The following SLC9A9 variants were observed in gnomAD, a reference collection of about 807,000 sequenced individuals.
The protein encoded by SLC9A9 is sodium/hydrogen exchanger 9.
SLC9A9 carries 62 observed loss-of-function variants against 77.8 expected under a neutral mutation model. The observed-to-expected ratio is 0.80, with a 90% CI of 0.65 to 0.98. The LOEUF is 0.98. SLC9A9 is among the 50% of genes least tolerant of loss of function. The pLI is 0.00. For synonymous variants in SLC9A9, 320 were observed against 283.5 expected (o/e 1.13, Z -1.29); for missense variants, 775 against 774.9 (o/e 1.00, Z 0.00).
intron 5 of SLC9A9, among the ~76,000 whole-genome samples, chr3:143,665,942 A>C (rs1280884936): frequency 6.6e-6 from 1 of 152,228 alleles, no homozygotes; most frequent in African/African-American, 2.4e-5. Context: ...AACTATTGCA[A>C]TCAATAGAAA....
chr3:143,444,932 C>A (rs1053981641), intron 12 of SLC9A9, among the ~76,000 whole-genome samples: 1 of 152,188 alleles, frequency 6.6e-6, no homozygotes, highest in Non-Finnish European at 1.5e-5. Context: ...TACCCCTGGG[C>A]CCTCTGATGG....
chr3:143,605,806 AC>A (rs137997965), intron 6 of SLC9A9, among the ~76,000 whole-genome samples: 302 of 152,340 alleles, frequency 2.0e-3, no homozygotes, highest in African/African-American at 7.0e-3. Flanking sequence ...AAGTTATGCA[AC>A]CTCAGAAAGC....
chr3:143,379,614 T>G (rs2033256800), intron 13 of SLC9A9, among the ~76,000 whole-genome samples: 2 of 152,214 alleles, frequency 1.3e-5, no homozygotes. Flanking sequence ...TACTTAACAT[T>G]TAGATAGTGC....
intron 12 of SLC9A9, among the ~76,000 whole-genome samples, chr3:143,463,455 GTCGA>G (rs1385254355): frequency 6.6e-6 from 1 of 152,152 alleles, no homozygotes; most frequent in Non-Finnish European, 1.5e-5. Context: ...CAACCATTTG[GTCGA>G]TAATCTTGTT....
chr3:143,757,478 TC>T (rs1389426273), intron 4 of SLC9A9, among the ~76,000 whole-genome samples: 1 of 152,170 alleles, frequency 6.6e-6, no homozygotes, highest in Non-Finnish European at 1.5e-5. Context: ...TCTATTTCAC[TC>T]CACTAAATTT....
intron 5 of SLC9A9, among the ~76,000 whole-genome samples, chr3:143,659,178 G>C (rs2038942064): frequency 6.6e-6 from 1 of 151,870 alleles, no homozygotes; most frequent in African/African-American, 2.4e-5. Context: ...GGTGGGCAAG[G>C]GTTTATCTAC....
intron 4 of SLC9A9, among the ~76,000 whole-genome samples, chr3:143,777,530 A>T (rs1441608681): frequency 6.6e-6 from 1 of 152,178 alleles, no homozygotes; most frequent in Non-Finnish European, 1.5e-5. Flanking sequence ...AGTGAACTTC[A>T]AACTTTTTAA....
At chr3:143,813,121 CT>C (rs977285546) in intron 2 of SLC9A9, among the ~76,000 whole-genome samples, 3 of 152,006 alleles carry the variant, frequency 2.0e-5, no homozygotes, top group African/African-American at 4.8e-5. Context: ...GGTTTCATAT[CT>C]GTAAATACAG....
chr3:143,527,928 A>G (rs2036432102), intron 9 of SLC9A9, among the ~76,000 whole-genome samples: 2 of 152,212 alleles, frequency 1.3e-5, no homozygotes, highest in South Asian at 2.1e-4. Flanking sequence ...GGTGAGAGGC[A>G]TTGTCACCAG....
chr3:143,558,247 T>G (rs2037022267), intron 8 of SLC9A9, among the ~76,000 whole-genome samples: 1 of 152,242 alleles, frequency 6.6e-6, no homozygotes, highest in African/African-American at 2.4e-5. Context: ...AGTGGAGCCC[T>G]CATGGAGAAC....
At chr3:143,570,800 A>G (rs1271294584) in intron 8 of SLC9A9, among the ~76,000 whole-genome samples, 1 of 151,986 alleles carries the variant, frequency 6.6e-6, no homozygotes, top group Non-Finnish European at 1.5e-5. Flanking sequence ...GTGTATAATT[A>G]TATATATATA....
chr3:143,653,773 C>A (rs528955443), intron 5 of SLC9A9, among the ~76,000 whole-genome samples: 2 of 152,062 alleles, frequency 1.3e-5, no homozygotes, highest in Non-Finnish European at 2.9e-5. Flanking sequence ...GGAAGAGGCC[C>A]GGATTCATGC....
chr3:143,316,937 A>T (rs1335630235), intron 14 of SLC9A9, among the ~76,000 whole-genome samples: 2 of 152,090 alleles, frequency 1.3e-5, no homozygotes, highest in African/African-American at 2.4e-5. Context: ...GATCACACAG[A>T]TACTATGTGG....
rs1406076112 is a variant in SLC9A9 at position 143,450,053 on chromosome 3, A to AT, written c.1469+16983_1469+16984insA. Among the ~76,000 whole-genome samples, 238 of 89,924 alleles carry AT rather than the reference A, an allele frequency of 2.6e-3. 3 individuals carry two copies. The highest frequency in any genetic ancestry group is 9.0e-3 in the African/African-American group (227 of 25,314). The allele number at this position is 89,924 out of a possible 152,430, so 59.0% of individuals were successfully genotyped here. On this transcript the variant is annotated intron_variant, in intron 12 of 15. Transcript: ENST00000316549. ...TATATACATATATGTATATATACACACATATATAATATGTATATATAATAT... is the reference window on the plus strand; with the variant it reads ...TATATACATATATGTATATATACACATCATATATAATATGTATATATAATAT...
intron 4 of SLC9A9, among the ~76,000 whole-genome samples, chr3:143,721,766 GGGA>G (rs1382195846): frequency 6.6e-6 from 1 of 152,176 alleles, no homozygotes; most frequent in Non-Finnish European, 1.5e-5. Flanking sequence ...GTGGTGGAGA[GGGA>G]GGAAGGAGAA....
chr3:143,287,616 T>A (rs1938418466), intron 14 of SLC9A9, among the ~76,000 whole-genome samples: 1 of 152,222 alleles, frequency 6.6e-6, no homozygotes, highest in Non-Finnish European at 1.5e-5. Flanking sequence ...ACTATATAAC[T>A]GTTCCCTTAG....
intron 14 of SLC9A9, among the ~76,000 whole-genome samples, chr3:143,321,594 C>A (rs1415525448): frequency 6.6e-6 from 1 of 152,188 alleles, no homozygotes; most frequent in African/African-American, 2.4e-5. Flanking sequence ...CTCGTGAAAC[C>A]ACTGCAGCCT....
chr3:143,635,198 C>A (rs1006353799), intron 6 of SLC9A9, among the ~76,000 whole-genome samples: 3 of 152,182 alleles, frequency 2.0e-5, no homozygotes, highest in Non-Finnish European at 2.9e-5. Flanking sequence ...TGCTGGCTGT[C>A]GCTCCCTCTC....
Position 143,845,470 on chromosome 3 carries a change from A to C in SLC9A9, c.175+2678T>G, listed in dbSNP as rs116307988. Reference sequence around the variant, plus strand: ...CATTTAGGACATCCCTGAAGAAGAAATGTGACAAGTCATGAATGCCACCCA... The same window carrying C: ...CATTTAGGACATCCCTGAAGAAGAACTGTGACAAGTCATGAATGCCACCCA... On this transcript the variant is annotated intron_variant, in intron 1 of 15. Transcript: ENST00000316549. Among the ~76,000 whole-genome samples, 1,086 of 152,344 alleles carry C rather than the reference A, an allele frequency of 7.1e-3. 7 individuals are homozygous for C. The highest frequency in any genetic ancestry group is 0.014 in the Middle Eastern group (4 of 294).
Sources: gnomAD v4.1 joint callset for allele counts (sites outside exome capture counted in the v4.1 genomes callset) on GRCh38, gnomAD v4.1.1 for gene constraint, MANE v1.5 for transcripts, NCBI Gene and HGNC (gene_info 2026-07-23, HGNC 2026-07-21) for gene names.